Variants in NPAS3 observed in about 807,000 individuals in gnomAD.
The protein encoded by NPAS3 is neuronal PAS domain protein 3, also known as neuronal PAS domain-containing protein 3.
NPAS3 carries 14 observed loss-of-function variants against 73.1 expected under a neutral mutation model. The observed-to-expected ratio is 0.19, with a 90% CI of 0.13 to 0.30. The LOEUF is 0.30. Among genes scored for constraint, NPAS3 ranks in the 10% least tolerant of loss-of-function variants. The pLI, the probability that NPAS3 is intolerant of heterozygous loss-of-function variation, is 1.00. For synonymous variants in NPAS3, 620 were observed against 541.5 expected, an observed-to-expected ratio of 1.14 and a Z score of -2.01; for missense variants, 1,096 against 1,250.0, an observed-to-expected ratio of 0.88 and a Z score of 1.86.
chr14:32,953,553 G>A (rs1320381272), intron 1 of NPAS3, among the ~76,000 whole-genome samples: 1 of 152,072 alleles, frequency 6.6e-6, no homozygotes, highest in Non-Finnish European at 1.5e-5. Context: ...GTTATTCGAG[G>A]GGGTCTGTTT....
In NPAS3 at chr14:33,373,386, A is replaced by ATGTGTGTGTG. The variant is rs5807721; in HGVS notation, c.468+6144_468+6153dup. ...TTGTCAGCATATTATATTGAACTAT[A>ATGTGTGTGTG]TGTGTGTGTGTGTGTGTGTGTGTGT... On this transcript the variant is annotated intron_variant, in intron 4 of 11. Transcript: ENST00000356141. 2.5e-3 allele frequency among the ~76,000 whole-genome samples: 367 copies of ATGTGTGTGTG among 147,242 alleles called. 2 individuals carry two copies. The East Asian group carries it at 0.034, about 13-fold the overall frequency.
intron 4 of NPAS3, among the ~76,000 whole-genome samples, chr14:33,396,147 G>A (rs1595837): frequency 0.19 from 29,603 of 152,088 alleles, 3,383 homozygotes; most frequent in East Asian, 0.49. Flanking sequence ...ATAGCTGACA[G>A]ATAACTTTTA....
chr14:33,403,286 A>G (rs1463449738), intron 4 of NPAS3, among the ~76,000 whole-genome samples: 3 of 152,140 alleles, frequency 2.0e-5, no homozygotes, highest in African/African-American at 7.2e-5. Context: ...GTAGGTAAAT[A>G]GGCATTAAAA....
chr14:33,477,247 C>A (rs189374042), intron 4 of NPAS3, among the ~76,000 whole-genome samples: 2 of 152,118 alleles, frequency 1.3e-5, no homozygotes, highest in Admixed American at 6.6e-5. Context: ...TTCTCAGAAC[C>A]CTTTTAGTTT....
intron 3 of NPAS3, among the ~76,000 whole-genome samples, chr14:33,295,096 T>C (rs2042242331): frequency 6.6e-6 from 1 of 152,206 alleles, no homozygotes; most frequent in Admixed American, 6.5e-5. Flanking sequence ...CAACCAAGTG[T>C]GTTGTTGGGA....
intron 3 of NPAS3, among the ~76,000 whole-genome samples, chr14:33,307,621 G>A (rs1245019152): frequency 2.7e-5 from 4 of 145,558 alleles, no homozygotes; most frequent in Admixed American, 7.4e-5. Context: ...GTTCGTGTGC[G>A]TGCATGTTTG....
chr14:33,416,341 A>C (rs1445884455), intron 4 of NPAS3, among the ~76,000 whole-genome samples: 1 of 152,064 alleles, frequency 6.6e-6, no homozygotes, highest in Non-Finnish European at 1.5e-5. Context: ...GGGGCACTAG[A>C]CTAGAAGATA....
chr14:33,070,754 C>T (rs1056827336), intron 2 of NPAS3, among the ~76,000 whole-genome samples: 1 of 152,180 alleles, frequency 6.6e-6, no homozygotes, highest in Non-Finnish European at 1.5e-5. Context: ...CTAGTTACAA[C>T]TATCCAGTGA....
chr14:33,682,425 CTG>C (rs1231238811), intron 6 of NPAS3, among the ~76,000 whole-genome samples: 5 of 152,214 alleles, frequency 3.3e-5, no homozygotes, highest in East Asian at 1.9e-4. Context: ...CCAAAATTAT[CTG>C]TGTTTCTTAA....
At chr14:33,769,331 G>A (rs776309336) in intron 7 of NPAS3, among the ~76,000 whole-genome samples, 1 of 152,202 alleles carries the variant, frequency 6.6e-6, no homozygotes, top group Non-Finnish European at 1.5e-5. Context: ...TTCCCAGGCT[G>A]CTCAAGTACA....
chr14:33,723,479 A>G (rs1467950309), intron 6 of NPAS3, among the ~76,000 whole-genome samples: 1 of 152,158 alleles, frequency 6.6e-6, no homozygotes, highest in East Asian at 1.9e-4. Flanking sequence ...GTTAATTGGG[A>G]GTAAACTCTC....
Position 33,678,548 on chromosome 14 carries a change from A to C in NPAS3, c.733+2163A>C, listed in dbSNP as rs552810513. ...TCAGTTTGCAGAGAACCCTCTAAAA[A>C]TACAGTGAAGAGAATAGCACAGCCC... On this transcript the variant is annotated intron_variant, in intron 6 of 11. Coordinates refer to ENST00000356141, the Ensembl canonical transcript of NPAS3. 4.6e-5 allele frequency among the ~76,000 whole-genome samples: 7 copies of C among 152,326 alleles called. No individual in the cohort carries two copies. In the East Asian group the frequency reaches 1.2e-3, roughly 25 times the overall value.
chr14:33,631,673 G>T (rs923630993), intron 5 of NPAS3, among the ~76,000 whole-genome samples: 1 of 152,174 alleles, frequency 6.6e-6, no homozygotes, highest in Non-Finnish European at 1.5e-5. Context: ...TGTATCTTGT[G>T]AACTCAGCTT....
At chr14:33,056,086 T>C in intron 2 of NPAS3, 92 bp downstream of exon 2, 1 of 547,594 alleles carries the variant, frequency 1.8e-6, no homozygotes, top group Non-Finnish European at 3.2e-6. Context: ...ATTGAAACCT[T>C]CTTTTTATCT....
At chr14:33,120,369 T>C (rs1425814850) in intron 2 of NPAS3, among the ~76,000 whole-genome samples, 1 of 152,118 alleles carries the variant, frequency 6.6e-6, no homozygotes, top group Non-Finnish European at 1.5e-5. Flanking sequence ...AACTTTTGCT[T>C]ACAAGATGGA....
chr14:33,371,815 TAC>T lies in NPAS3; in HGVS notation c.468+4548_468+4549del, dbSNP rs1250007584. Reference sequence around the variant, plus strand: ...TTTTTACTGTGTACTAAGTTTCAGATACTGTGCTAAGTTCTCTTCTTATATCA... The same window carrying T: ...TTTTTACTGTGTACTAAGTTTCAGATTGTGCTAAGTTCTCTTCTTATATCA... On this transcript the variant is annotated intron_variant, in intron 4 of 11. Transcript: ENST00000356141. Among the ~76,000 whole-genome samples the T allele has an allele frequency of 3.4e-3, 513 of 152,300 alleles. 2 individuals are homozygous for T. The highest frequency in any genetic ancestry group is 0.011 in the African/African-American group (450 of 41,564).
At chr14:32,979,277 G>A (rs2037805988) in intron 1 of NPAS3, among the ~76,000 whole-genome samples, 1 of 152,070 alleles carries the variant, frequency 6.6e-6, no homozygotes, top group Non-Finnish European at 1.5e-5. Flanking sequence ...TGAGCTCTCT[G>A]GGTCTTATTA....
At chr14:33,790,175 G>A (rs1346930596) in intron 9 of NPAS3, among the ~76,000 whole-genome samples, 2 of 152,184 alleles carry the variant, frequency 1.3e-5, no homozygotes, top group African/African-American at 2.4e-5. Flanking sequence ...ATTGTGTGAT[G>A]AGTATCTATC....
Position 33,064,606 on chromosome 14 carries a change from G to A in NPAS3, c.140+8612G>A, listed in dbSNP as rs76820683. On this transcript the variant is annotated intron_variant, in intron 2 of 11. Coordinates refer to ENST00000356141, the Ensembl canonical transcript of NPAS3. ...TGGTGGGCGGGGAGGGGGAGTAGTC[G>A]TAGATTAGTTACCTCATGACGTTTA... Among the ~76,000 whole-genome samples the A allele has an allele frequency of 3.3e-3, 509 of 152,272 alleles. 3 individuals are homozygous for A. Among genetic ancestry groups the A allele is most frequent in the Middle Eastern group, 0.017 (5 of 294 alleles).
Sources: allele counts gnomAD v4.1 joint callset (sites outside exome capture counted in the v4.1 genomes callset), GRCh38; gene constraint gnomAD v4.1.1; transcripts MANE v1.5; gene names NCBI Gene and HGNC (gene_info 2026-07-23, HGNC 2026-07-21).